Variants in LYN observed in about 807,000 individuals in gnomAD.
LYN encodes tyrosine-protein kinase Lyn.
In LYN, 12 loss-of-function variants were observed where a neutral mutation model predicts 65.0. The ratio of observed to expected loss-of-function variants is 0.18; its 90% CI spans 0.12 to 0.30. The LOEUF (loss-of-function observed/expected upper bound fraction) is 0.30. Ranked by LOEUF, LYN falls within the 10% of genes least tolerant of loss-of-function variation. LYN has a pLI of 1.00. For synonymous variants in LYN, 222 were observed against 221.2 expected, an observed-to-expected ratio of 1.00 and a Z score of -0.03; for missense variants, 380 against 623.2, an observed-to-expected ratio of 0.61 and a Z score of 4.16.
At chr8:55,995,176 A>G (rs72653928) in intron 10 of LYN, among the ~76,000 whole-genome samples, 22,262 of 152,086 alleles carry the variant, frequency 0.15, 2,194 homozygotes, top group Middle Eastern at 0.23. Context: ...CGCCCTCACC[A>G]TGCCACTGCC....
At chr8:55,975,243 C>G (rs1463051006) in intron 10 of LYN, among the ~76,000 whole-genome samples, 1 of 152,184 alleles carries the variant, frequency 6.6e-6, no homozygotes. Flanking sequence ...GTGGTTAGCT[C>G]TTTCTCAGAA....
chr8:55,909,197 C>T (rs1805530110), intron 1 of LYN, among the ~76,000 whole-genome samples: 1 of 151,980 alleles, frequency 6.6e-6, no homozygotes, highest in Non-Finnish European at 1.5e-5. Context: ...ACCCAGAATC[C>T]AGGTTCCCCA....
At chr8:55,903,111 T>C (rs1273422487) in intron 1 of LYN, among the ~76,000 whole-genome samples, 3 of 152,172 alleles carry the variant, frequency 2.0e-5, no homozygotes, top group Non-Finnish European at 4.4e-5. Flanking sequence ...CCTCCCACAG[T>C]GCTGGGATTA....
intron 1 of LYN, among the ~76,000 whole-genome samples, chr8:55,900,906 G>A (rs1805242621): frequency 6.6e-6 from 1 of 152,044 alleles, no homozygotes; most frequent in African/African-American, 2.4e-5. Flanking sequence ...ACATTGAAAA[G>A]TTATTAAGGT....
At chr8:55,882,644 G>A (rs1283854135) in intron 1 of LYN, among the ~76,000 whole-genome samples, 1 of 152,226 alleles carries the variant, frequency 6.6e-6, no homozygotes, top group East Asian at 1.9e-4. Context: ...AGCAGAGATA[G>A]CCTCAGACCT....
At chr8:55,917,174 T>C (rs535400218) in intron 1 of LYN, among the ~76,000 whole-genome samples, 1 of 135,626 alleles carries the variant, frequency 7.4e-6, no homozygotes, top group African/African-American at 2.7e-5. Flanking sequence ...AGATTCTGTC[T>C]AAAAAAAAAA....
chr8:55,986,797 C>T (rs569407884), intron 10 of LYN, among the ~76,000 whole-genome samples: 6 of 152,298 alleles, frequency 3.9e-5, no homozygotes, highest in African/African-American at 1.4e-4. Context: ...GTGATCATAC[C>T]TCACTGCAGC....
At chr8:56,009,767 C>T in intron 12 of LYN, 141 bp from the exon 13 acceptor site, 1 of 673,284 alleles carries the variant, frequency 1.5e-6, no homozygotes, top group Non-Finnish European at 2.5e-6. Context: ...GGATGCTGTT[C>T]AACCCCTAAC....
At chr8:55,908,999 A>ATG (rs1293013573) in intron 1 of LYN, among the ~76,000 whole-genome samples, 3 of 16,214 alleles carry the variant, frequency 1.9e-4, no homozygotes, top group East Asian at 5.3e-3. Flanking sequence ...GTATATATAT[A>ATG]TATATATATA....
intron 1 of LYN, among the ~76,000 whole-genome samples, chr8:55,915,459 C>T (rs1270125853): frequency 6.6e-6 from 1 of 152,212 alleles, no homozygotes. Flanking sequence ...AATCCCAACA[C>T]TTTCGGAAGC....
Position 55,998,499 on chromosome 8 carries a change from G to A in LYN, c.1204G>A (p.Gly402Ser), listed in dbSNP as rs2130583662. 6.2e-7 allele frequency: 1 copy of A among 1,606,830 alleles called. No individual in the cohort carries two copies. The highest frequency in any genetic ancestry group is 8.5e-7 in the Non-Finnish European group (1 of 1,173,850). Reference protein sequence around the residue: ...IEDNEYTAREGAKFPIKWTAP... With the variant: ...IEDNEYTARESAKFPIKWTAP... ...AGATAATGAGTACACAGCAAGGGAA[G>A]GTATGTTGCACTAATGATCTTTAGA... Residue 402 changes from glycine to serine, a missense_variant and splice_region_variant, in exon 11 of 13, where the codon GGT becomes AGT. Coordinates refer to ENST00000519728, the MANE Select transcript of LYN (RefSeq NM_002350.4).
chr8:55,998,578 C>T (rs952139014), intron 11 of LYN, 79 bp downstream of exon 11: 4 of 1,334,686 alleles, frequency 3.0e-6, no homozygotes, highest in East Asian at 2.3e-5. Flanking sequence ...AAAGCAATTA[C>T]AATAGTCACC....
At chr8:55,930,662 G>A (rs921796826) in intron 1 of LYN, among the ~76,000 whole-genome samples, 2 of 152,204 alleles carry the variant, frequency 1.3e-5, no homozygotes, top group African/African-American at 4.8e-5. Context: ...CTTCCTCTGT[G>A]TGAAATTGCT....
intron 10 of LYN, among the ~76,000 whole-genome samples, chr8:55,986,526 G>A (rs377743551): frequency 2.0e-5 from 3 of 152,114 alleles, no homozygotes; most frequent in East Asian, 3.9e-4. Context: ...ATTTAAATAT[G>A]GGTATTTGGT....
At chr8:55,904,628 T>C (rs898520683) in intron 1 of LYN, among the ~76,000 whole-genome samples, 5 of 152,114 alleles carry the variant, frequency 3.3e-5, no homozygotes, top group Non-Finnish European at 7.4e-5. Flanking sequence ...CTCATGCCTG[T>C]AATCCCAGCT....
chr8:55,928,753 A>G (rs763741126), intron 1 of LYN, among the ~76,000 whole-genome samples: 4 of 152,000 alleles, frequency 2.6e-5, no homozygotes, highest in Non-Finnish European at 5.9e-5. Flanking sequence ...TTCAATTTAT[A>G]ATTTTTTCTT....
At chr8:55,995,668 C>T (rs1355415522) in intron 10 of LYN, among the ~76,000 whole-genome samples, 1 of 152,016 alleles carries the variant, frequency 6.6e-6, no homozygotes, top group Non-Finnish European at 1.5e-5. Flanking sequence ...GACAGGCAAA[C>T]TGCATAGGTC....
In LYN at chr8:56,010,656, AT is replaced by A. The variant is rs150367348; in HGVS notation, c.*553del. On this transcript the variant is annotated 3_prime_UTR_variant, in exon 13 of 13. Coordinates refer to ENST00000519728, the MANE Select transcript of LYN (RefSeq NM_002350.4). ...AAAATGTCTTTCCCAGATTTCAATG[AT>A]TTTTTTCCCCCTACCTCCCAAAATC... 4.9e-3 allele frequency: 1,145 copies of A among 231,776 alleles called. 13 individuals carry two copies. The highest frequency in any genetic ancestry group is 0.023 in the African/African-American group (1,040 of 45,062). The allele number at this position is 231,776 out of a possible 1,614,324, so 14.4% of individuals were successfully genotyped here.
chr8:55,892,918 T>C (rs7820484), intron 1 of LYN, among the ~76,000 whole-genome samples: 1 of 152,090 alleles, frequency 6.6e-6, no homozygotes. Flanking sequence ...AGCAGAATGA[T>C]GTTGACCCTC....
Sources: gnomAD v4.1 joint callset for allele counts (sites outside exome capture counted in the v4.1 genomes callset) on GRCh38, gnomAD v4.1.1 for gene constraint, MANE v1.5 for transcripts, NCBI Gene and HGNC (gene_info 2026-07-23, HGNC 2026-07-21) for gene names.